DCC: variants seen among roughly 807,000 people sequenced by gnomAD.
The protein encoded by DCC is DCC netrin 1 receptor, also known as netrin receptor DCC.
In DCC, 58 loss-of-function variants were observed where a neutral mutation model predicts 172.5. The observed-to-expected ratio is 0.34, with a 90% CI of 0.27 to 0.42. DCC has a LOEUF of 0.42. Ranked by LOEUF, DCC falls within the 10% of genes least tolerant of loss-of-function variation. The pLI is 1.00. For missense variants in DCC, 1,740 were observed against 1,791.0 expected, an observed-to-expected ratio of 0.97 and a Z score of 0.51; for synonymous variants, 709 against 644.5, an observed-to-expected ratio of 1.10 and a Z score of -1.52.
At chr18:52,424,838 A>G (rs902338497) in intron 1 of DCC, among the ~76,000 whole-genome samples, 2 of 152,196 alleles carry the variant, frequency 1.3e-5, no homozygotes, top group African/African-American at 4.8e-5. Flanking sequence ...CAAACCCAAG[A>G]TTATTGCCAA....
chr18:52,883,373 TGTGTGTGTGTGTGTGTGTGA>T (rs1244207993), intron 2 of DCC, among the ~76,000 whole-genome samples: 8 of 125,956 alleles, frequency 6.4e-5, no homozygotes, highest in East Asian at 5.2e-4. Flanking sequence ...TGTGTGTGTG[TGTGTGTGTGTGTGTGTGTGA>T]GATCTCTTTC....
chr18:52,897,483 A>G (rs1327691090), intron 2 of DCC, among the ~76,000 whole-genome samples: 1 of 152,216 alleles, frequency 6.6e-6, no homozygotes, highest in Non-Finnish European at 1.5e-5. Flanking sequence ...CTCAACCAAT[A>G]TTTGTGTATT....
At chr18:52,844,330 A>AGACC (rs2145325049) in intron 2 of DCC, among the ~76,000 whole-genome samples, 1 of 152,066 alleles carries the variant, frequency 6.6e-6, no homozygotes, top group Admixed American at 6.6e-5. Context: ...GCAGACAGAC[A>AGACC]GACAGACAGA....
intron 13 of DCC, among the ~76,000 whole-genome samples, chr18:53,311,483 C>A: frequency 6.6e-6 from 1 of 152,206 alleles, no homozygotes; most frequent in Non-Finnish European, 1.5e-5. Flanking sequence ...CTAAGGTCCT[C>A]CACTAGTTAA....
chr18:53,357,833 C>G (rs1364472913), intron 15 of DCC, among the ~76,000 whole-genome samples: 1 of 152,120 alleles, frequency 6.6e-6, no homozygotes, highest in Non-Finnish European at 1.5e-5. Context: ...ACTGCGGGAT[C>G]AGAATAGTTC....
At chr18:53,093,924 G>A (rs1199639493) in intron 7 of DCC, among the ~76,000 whole-genome samples, 2 of 152,050 alleles carry the variant, frequency 1.3e-5, no homozygotes, top group Non-Finnish European at 2.9e-5. Flanking sequence ...CCTGTTTCCT[G>A]GCTGTTTCCT....
At chr18:52,608,544 T>C (rs1192112919) in intron 1 of DCC, among the ~76,000 whole-genome samples, 2 of 152,134 alleles carry the variant, frequency 1.3e-5, no homozygotes, top group Non-Finnish European at 2.9e-5. Flanking sequence ...AGTAAAGATA[T>C]AGTAGTGTGA....
At chr18:52,752,027 A>G (rs1231038583) in intron 1 of DCC, 27 bp from the exon 2 acceptor site, 6 of 1,592,488 alleles carry the variant, frequency 3.8e-6, no homozygotes, top group South Asian at 1.1e-5. Flanking sequence ...ATACATGAAC[A>G]TATTTCCCTG....
At chr18:53,470,982 C>A (rs562044420) in intron 25 of DCC, among the ~76,000 whole-genome samples, 1 of 152,252 alleles carries the variant, frequency 6.6e-6, no homozygotes, top group Non-Finnish European at 1.5e-5. Context: ...TTTCCTTATA[C>A]CCTAAATTCA....
At chr18:52,574,037 T>C (rs2033357932) in intron 1 of DCC, among the ~76,000 whole-genome samples, 1 of 152,180 alleles carries the variant, frequency 6.6e-6, no homozygotes, top group Non-Finnish European at 1.5e-5. Flanking sequence ...CACACATCTG[T>C]ATAATTGCCT....
chr18:52,822,649 A>G (rs1044730504), intron 2 of DCC, among the ~76,000 whole-genome samples: 2 of 152,236 alleles, frequency 1.3e-5, no homozygotes, highest in South Asian at 4.1e-4. Context: ...CTTGGGATCC[A>G]CAGTTTTAAT....
At chr18:52,491,664 A>T (rs766044371) in intron 1 of DCC, among the ~76,000 whole-genome samples, 42 of 152,068 alleles carry the variant, frequency 2.8e-4, no homozygotes, top group Admixed American at 5.3e-4. Context: ...TGAAGACAGA[A>T]AAATGGAGGG....
At chr18:52,705,808 T>C (rs1026521263) in intron 1 of DCC, among the ~76,000 whole-genome samples, 1 of 152,234 alleles carries the variant, frequency 6.6e-6, no homozygotes, top group Non-Finnish European at 1.5e-5. Context: ...AAAGCGTTTG[T>C]TGAATGATAA....
At chr18:52,638,781 T>C (rs1308207463) in intron 1 of DCC, among the ~76,000 whole-genome samples, 1 of 152,050 alleles carries the variant, frequency 6.6e-6, no homozygotes, top group Non-Finnish European at 1.5e-5. Context: ...CTCCACCAAC[T>C]GCACTAGACA....
At chr18:53,491,538 G>A (rs535189328) in intron 26 of DCC, among the ~76,000 whole-genome samples, 1 of 152,150 alleles carries the variant, frequency 6.6e-6, no homozygotes, top group African/African-American at 2.4e-5. Flanking sequence ...AGGCCTTGGT[G>A]TACATGTGTC....
intron 7 of DCC, among the ~76,000 whole-genome samples, chr18:53,093,700 A>C (rs1157635634): frequency 6.6e-6 from 1 of 152,214 alleles, no homozygotes; most frequent in East Asian, 1.9e-4. Context: ...ATGTAAATAC[A>C]TCACTGTTGC....
intron 15 of DCC, among the ~76,000 whole-genome samples, chr18:53,352,167 A>G (rs1328137612): frequency 6.6e-6 from 1 of 152,086 alleles, no homozygotes; most frequent in Non-Finnish European, 1.5e-5. Context: ...ATTCACCAAC[A>G]AAATAATATA....
At chr18:53,168,583 T>C (rs1013769734) in intron 8 of DCC, among the ~76,000 whole-genome samples, 2 of 114,934 alleles carry the variant, frequency 1.7e-5, no homozygotes, top group African/African-American at 6.5e-5. Context: ...GCGGGGGGGC[T>C]AGGGGAGGGA....
intron 2 of DCC, among the ~76,000 whole-genome samples, chr18:52,889,590 C>T (rs377502302): frequency 3.9e-5 from 6 of 152,178 alleles, no homozygotes; most frequent in African/African-American, 9.6e-5. Context: ...TTGGGTTCTA[C>T]GTTTCAGAAA....
Sources: gnomAD v4.1 joint callset for allele counts (sites outside exome capture counted in the v4.1 genomes callset) on GRCh38, gnomAD v4.1.1 for gene constraint, MANE v1.5 for transcripts, NCBI Gene and HGNC (gene_info 2026-07-23, HGNC 2026-07-21) for gene names.